Variants in MYO18B observed in about 807,000 individuals in gnomAD.
MYO18B encodes the protein myosin XVIIIB, also known as unconventional myosin-XVIIIb.
In MYO18B, 204 loss-of-function variants were observed where a neutral mutation model predicts 273.0. The ratio of observed to expected loss-of-function variants is 0.75; its 90% confidence interval spans 0.67 to 0.84. The LOEUF (loss-of-function observed/expected upper bound fraction) is 0.84. Among genes scored for constraint, MYO18B ranks in the 40% least tolerant of loss-of-function variants. The probability of loss-of-function intolerance (pLI) is 0.00; values close to 1 mark genes in which losing one functional copy is unlikely to be tolerated. For synonymous variants in MYO18B, 1,330 were observed against 1,305.7 expected (o/e 1.02, Z -0.40); for missense variants, 3,212 against 3,287.6 (o/e 0.98, Z 0.56).
the MYO18B span, among the ~76,000 whole-genome samples, chr22:26,058,106 A>G: frequency 6.6e-6 from 1 of 152,358 alleles, no homozygotes; most frequent in South Asian, 2.1e-4. Context: ...TAAAACAAGC[A>G]CAAAATGAAT....
downstream of MYO18B, among the ~76,000 whole-genome samples, chr22:26,032,254 GC>G (rs1292982506): frequency 1.3e-5 from 2 of 152,140 alleles, no homozygotes; most frequent in African/African-American, 4.8e-5. Flanking sequence ...AAATTCCACC[GC>G]CTGGGTGGCC....
intron 33 of MYO18B, among the ~76,000 whole-genome samples, chr22:25,917,545 G>GTGTGT (rs1555944184): frequency 2.8e-5 from 4 of 142,150 alleles, no homozygotes; most frequent in African/African-American, 7.9e-5. Flanking sequence ...GCTTTGTAGG[G>GTGTGT]GTGTGTGTGT....
chr22:25,850,269 G>T (rs1345071430), intron 20 of MYO18B, among the ~76,000 whole-genome samples: 1 of 152,164 alleles, frequency 6.6e-6, no homozygotes, highest in Non-Finnish European at 1.5e-5. Flanking sequence ...AGCAGTTGAG[G>T]CTCTTCTTGT....
chr22:26,016,034 T>C (rs1271990901), intron 42 of MYO18B, among the ~76,000 whole-genome samples: 1 of 152,224 alleles, frequency 6.6e-6, no homozygotes, highest in Non-Finnish European at 1.5e-5. Context: ...AAGCTGCATC[T>C]TCATGGGGAA....
intron 40 of MYO18B, among the ~76,000 whole-genome samples, chr22:25,992,762 T>A (rs1480928172): frequency 6.6e-6 from 1 of 152,210 alleles, no homozygotes. Context: ...GCGTATGGTC[T>A]TCTACAAGTT....
intron 1 of MYO18B, among the ~76,000 whole-genome samples, chr22:25,760,430 A>C (rs943927482): frequency 9.5e-4 from 142 of 150,070 alleles, no homozygotes; most frequent in African/African-American, 3.3e-3. Context: ...AAAAAAAAAA[A>C]AAAACACAAA....
chr22:25,768,462 C>A lies in MYO18B; in HGVS notation c.546C>A (p.Pro182=). 6.4e-7 allele frequency: 1 copy of A among 1,572,988 alleles called. No homozygotes were observed. Among genetic ancestry groups the A allele is most frequent in the Non-Finnish European group, 8.7e-7 (1 of 1,145,140 alleles). ...PHDAPPCKTS[P]PATDTGKEKK... Reference sequence around the variant, plus strand: ...ACGCCCCCCCTTGCAAGACCTCTCCCCCCGCCACAGATACTGGAAAGGAAA... The same window carrying A: ...ACGCCCCCCCTTGCAAGACCTCTCCACCCGCCACAGATACTGGAAAGGAAA... Residue 182 remains proline, a synonymous_variant, in exon 4 of 44, where the codon CCC becomes CCA. Coordinates refer to ENST00000335473, the MANE Select transcript of MYO18B (RefSeq NM_032608.7).
chr22:25,927,228 C>T lies in MYO18B; in HGVS notation c.5517+5819C>T, dbSNP rs956428129. Among the ~76,000 whole-genome samples, 12 of 152,166 alleles carry T rather than the reference C, an allele frequency of 7.9e-5. No homozygotes were observed. The East Asian group carries it at 9.6e-4, about 12-fold the overall frequency. ...CCTTAAACTCTGACTGCCGGTGAGC[C>T]GGGCGGAACAGAGCCATATTTCTCT... On this transcript the variant is annotated intron_variant, in intron 34 of 43. Transcript: ENST00000335473.
chr22:26,039,678 A>C, the MYO18B span, among the ~76,000 whole-genome samples: 1 of 152,054 alleles, frequency 6.6e-6, no homozygotes, highest in Non-Finnish European at 1.5e-5. Flanking sequence ...AGGTGGTTTC[A>C]GGTTACATGG....
chr22:25,874,225 C>A, intron 22 of MYO18B, 61 bp from the exon 23 acceptor site: 1 of 1,595,714 alleles, frequency 6.3e-7, no homozygotes, highest in Non-Finnish European at 8.6e-7. Context: ...TTGCAAGCAC[C>A]CCCCCATTGT....
At chr22:26,035,233 A>G (rs558170747), downstream of MYO18B, among the ~76,000 whole-genome samples, 8 of 152,368 alleles carry the variant, frequency 5.3e-5, no homozygotes, top group South Asian at 1.7e-3. Flanking sequence ...AACAAGCCCA[A>G]GAGTGTCCAA....
chr22:25,833,248 C>CT (rs1170098594), intron 16 of MYO18B, among the ~76,000 whole-genome samples: 1 of 152,176 alleles, frequency 6.6e-6, no homozygotes, highest in Non-Finnish European at 1.5e-5. Flanking sequence ...ATGTCTGAGT[C>CT]TATGTCTTAG....
chr22:25,933,663 C>T (rs943100022), intron 34 of MYO18B, among the ~76,000 whole-genome samples: 2 of 151,440 alleles, frequency 1.3e-5, no homozygotes, highest in Non-Finnish European at 2.9e-5. Context: ...TTTGCACCAA[C>T]CTAATAATTG....
At chr22:25,770,255 G>A in intron 5 of MYO18B, 79 bp downstream of exon 5, 1 of 1,429,192 alleles carries the variant, frequency 7.0e-7, no homozygotes, top group Non-Finnish European at 9.8e-7. Context: ...TATGTTCCAG[G>A]TCCTGATTAT....
At chr22:25,977,886 G>A (rs2146771992) in intron 39 of MYO18B, among the ~76,000 whole-genome samples, 1 of 152,338 alleles carries the variant, frequency 6.6e-6, no homozygotes, top group African/African-American at 2.4e-5. Flanking sequence ...TGAGGGTCAA[G>A]TGGGTGACAA....
At position 25,948,058 on chromosome 22, in the gene MYO18B, C is replaced by T. The variant is rs2072008; in HGVS notation, c.5748+230C>T. ...ACGTGTCCACCATGAAAGATTTGGA[C>T]TTATTCATGCATCTGTCTGCCCATC... On this transcript the variant is annotated intron_variant, in intron 36 of 43. Transcript: ENST00000335473. Among the ~76,000 whole-genome samples the T allele has an allele frequency of 0.78, 118,040 of 152,046 alleles. 47,264 individuals carry two copies. The highest frequency in any genetic ancestry group is 0.94 in the Middle Eastern group (275 of 294).
chr22:25,905,937 G>T (rs1263749019), intron 31 of MYO18B, among the ~76,000 whole-genome samples: 2 of 152,174 alleles, frequency 1.3e-5, no homozygotes, highest in African/African-American at 2.4e-5. Flanking sequence ...ACAGAGCCAA[G>T]AATAAAACAA....
chr22:25,952,117 T>G (rs762116554), intron 37 of MYO18B, among the ~76,000 whole-genome samples, 169 bp from the exon 38 acceptor site: 9 of 152,194 alleles, frequency 5.9e-5, no homozygotes, highest in Non-Finnish European at 1.0e-4. Flanking sequence ...GTCCCAAGAT[T>G]GACACCTGGC....
intron 35 of MYO18B, among the ~76,000 whole-genome samples, chr22:25,947,072 G>T (rs749242607): frequency 6.6e-6 from 1 of 151,930 alleles, no homozygotes; most frequent in Non-Finnish European, 1.5e-5. Flanking sequence ...GATCTCTGTG[G>T]GCCTTTTTGT....
Sources: allele counts gnomAD v4.1 joint callset (sites outside exome capture counted in the v4.1 genomes callset), GRCh38; gene constraint gnomAD v4.1.1; transcripts MANE v1.5; gene names NCBI Gene and HGNC (gene_info 2026-07-23, HGNC 2026-07-21).